The following TRAPPC11 variants were observed in gnomAD, a reference collection of about 807,000 sequenced individuals.
TRAPPC11 encodes the protein foie gras homolog.
A neutral mutation model predicts 151.2 loss-of-function variants in TRAPPC11; 104 were observed. That is an observed-to-expected ratio of 0.69 (90% CI 0.59 to 0.81). The LOEUF (loss-of-function observed/expected upper bound fraction) is 0.81, where lower values mean the gene tolerates loss of function less well. Ranked by LOEUF, TRAPPC11 falls within the 30% of genes least tolerant of loss-of-function variation. The pLI is 0.00. For missense variants in TRAPPC11, 1,230 were observed against 1,349.6 expected, an observed-to-expected ratio of 0.91 and a Z score of 1.39; for synonymous variants, 456 against 472.3, an observed-to-expected ratio of 0.97 and a Z score of 0.45.
chr4:183,690,387 A>G (rs1736201796), intron 18 of TRAPPC11, among the ~76,000 whole-genome samples: 1 of 152,220 alleles, frequency 6.6e-6, no homozygotes, highest in African/African-American at 2.4e-5. Context: ...AACAGATGAG[A>G]ATAGTGATTC....
Position 183,687,105 on chromosome 4 carries a change from C to T in TRAPPC11, c.1893+357C>T, listed in dbSNP as rs548734678. Among the ~76,000 whole-genome samples the T allele has an allele frequency of 2.1e-3, 318 of 152,098 alleles. 2 individuals are homozygous for T. Among genetic ancestry groups the T allele is most frequent in the African/African-American group, 7.3e-3 (301 of 41,500 alleles). ...CTGAGGCAGGAGAATCACTTGAACT[C>T]GGGAGATGGAGGTTGCAGTGAGCTG... is the stretch of plus-strand genomic sequence containing the variant. On this transcript the variant is annotated intron_variant, in intron 18 of 29. Transcript: ENST00000334690.
At chr4:183,679,524 T>C in intron 9 of TRAPPC11, 38 bp downstream of exon 9, 1 of 1,531,482 alleles carries the variant, frequency 6.5e-7, no homozygotes, top group African/African-American at 1.4e-5. Context: ...TTTTTAAAAA[T>C]GATACATAGT....
In TRAPPC11 at chr4:183,694,583, A is replaced by G. The variant is rs565925532; in HGVS notation, c.2509-21A>G. On this transcript the variant is annotated intron_variant, in intron 22 of 29. Coordinates refer to ENST00000334690, the MANE Select transcript of TRAPPC11 (RefSeq NM_021942.6). ...AAATGTCTGTAATACTAATTAAATT[A>G]CAACATTTATTTTGTTACAGCTGGA... The G allele has an allele frequency of 5.0e-6, 8 of 1,602,612 alleles. No homozygotes were observed. The African/African-American group carries it at 9.4e-5, about 19-fold the overall frequency.
At chr4:183,673,542 T>C (rs112413505) in intron 5 of TRAPPC11, among the ~76,000 whole-genome samples, 3,616 of 151,960 alleles carry the variant, frequency 0.024, 151 homozygotes, top group African/African-American at 0.083. Context: ...GGCGTGGTCA[T>C]GTATGCATGT....
intron 3 of TRAPPC11, 125 bp downstream of exon 3, chr4:183,666,551 A>AACAAG: frequency 2.3e-6 from 2 of 858,114 alleles, no homozygotes; most frequent in Non-Finnish European, 3.5e-6. Context: ...ACCTCCAGTG[A>AACAAG]ATCTTGTTCA....
intron 26 of TRAPPC11, among the ~76,000 whole-genome samples, chr4:183,704,249 G>T (rs544523638): frequency 6.6e-6 from 1 of 152,136 alleles, no homozygotes; most frequent in African/African-American, 2.4e-5. Context: ...GGCCTGGTGC[G>T]GTGGCTCACG....
intron 26 of TRAPPC11, among the ~76,000 whole-genome samples, chr4:183,703,406 A>G (rs778450905): frequency 2.0e-5 from 3 of 152,214 alleles, no homozygotes; most frequent in Non-Finnish European, 4.4e-5. Flanking sequence ...AATTTACCAT[A>G]TTGATGTTTA....
Position 183,686,326 on chromosome 4 carries a change from A to G in TRAPPC11, c.1763-292A>G, listed in dbSNP as rs1279890160. Among the ~76,000 whole-genome samples the G allele has an allele frequency of 7.4e-5, 11 of 148,546 alleles. No homozygotes were observed. In the East Asian group the frequency reaches 8.1e-4, roughly 11 times the overall value. ...TAATTTTTGTATTTTTAGTATAGATAAGGTTTCACCGTGTTGGCCAGGCTG... is the reference window on the plus strand; with the variant it reads ...TAATTTTTGTATTTTTAGTATAGATGAGGTTTCACCGTGTTGGCCAGGCTG... On this transcript the variant is annotated intron_variant, in intron 17 of 29. Coordinates refer to ENST00000334690, the MANE Select transcript of TRAPPC11 (RefSeq NM_021942.6).
In TRAPPC11 at chr4:183,680,191, C is replaced by T; in HGVS notation, c.1037C>T (p.Pro346Leu). The change falls in exon 10 of 30, where the codon CCT becomes CTT. Residue 346 changes from proline to leucine, a missense_variant. Pro to Leu is a moderately conservative substitution (Grantham distance 98). Coordinates refer to ENST00000334690, the MANE Select transcript of TRAPPC11 (RefSeq NM_021942.6). The part of the protein sequence containing the change: ...LGLTAIQTQN[P>L]GFYYQQAAYY... Reference sequence around the variant, plus strand: ...TTAACAGCTATTCAAACTCAGAATCCTGGTTTCTATTACCAGCAGGCAGCA... The same window carrying T: ...TTAACAGCTATTCAAACTCAGAATCTTGGTTTCTATTACCAGCAGGCAGCA... The T allele has an allele frequency of 1.2e-6, 2 of 1,613,892 alleles. No homozygotes were observed. Among genetic ancestry groups the T allele is most frequent in the Non-Finnish European group, 1.7e-6 (2 of 1,179,950 alleles).
In TRAPPC11 at chr4:183,664,036, C is replaced by G; in HGVS notation, c.169C>G (p.Pro57Ala). 6.2e-7 allele frequency: 1 copy of G among 1,613,366 alleles called. No homozygotes were observed. Among genetic ancestry groups the G allele is most frequent in the Non-Finnish European group, 8.5e-7 (1 of 1,179,976 alleles). ...AGTACCAATTTCTTTCAAGGTGCTC[C>G]CAGGTGACCATGAGTATCCCAAATG... Reference protein sequence around the residue: ...DRVPISFKVLPGDHEYPKCRP... With the variant: ...DRVPISFKVLAGDHEYPKCRP... Residue 57 changes from proline (P) to alanine (A), a missense_variant, in exon 2 of 30, where the codon CCA (proline) becomes GCA (alanine). Coordinates refer to ENST00000334690, the MANE Select transcript of TRAPPC11 (RefSeq NM_021942.6).
intron 10 of TRAPPC11, among the ~76,000 whole-genome samples, chr4:183,680,679 C>CTTTTTTTTTTTT (rs71589581): frequency 3.6e-5 from 3 of 82,952 alleles, no homozygotes; most frequent in Non-Finnish European, 6.5e-5. Context: ...TATGGAGACT[C>CTTTTTTTTTTTT]TTTTTTTTTT....
intron 19 of TRAPPC11, among the ~76,000 whole-genome samples, chr4:183,692,562 A>G (rs934120805): frequency 1.3e-5 from 2 of 152,198 alleles, no homozygotes; most frequent in African/African-American, 4.8e-5. Context: ...TACTGTAAAT[A>G]TTTTTGAGAA....
At chr4:183,665,230 G>A (rs918900360) in intron 2 of TRAPPC11, among the ~76,000 whole-genome samples, 6 of 151,910 alleles carry the variant, frequency 3.9e-5, no homozygotes, top group South Asian at 2.1e-4. Flanking sequence ...GAGTGGCTGG[G>A]ACTACAGGCG....
chr4:183,699,863 C>T (rs1157095898), intron 25 of TRAPPC11, among the ~76,000 whole-genome samples: 2 of 151,608 alleles, frequency 1.3e-5, no homozygotes, highest in African/African-American at 4.9e-5. Context: ...GAGTCTCTGT[C>T]ACCCAGGCTG....
intron 24 of TRAPPC11, 22 bp from the exon 25 acceptor site, chr4:183,697,657 C>G: frequency 6.2e-7 from 1 of 1,612,606 alleles, no homozygotes; most frequent in Non-Finnish European, 8.5e-7. Context: ...CCTGACAGAC[C>G]TTTTATCTTC....
chr4:183,665,311 G>A (rs1366136109), intron 2 of TRAPPC11, among the ~76,000 whole-genome samples: 12 of 151,988 alleles, frequency 7.9e-5, no homozygotes, highest in East Asian at 5.8e-4. Context: ...AGCCAGGATG[G>A]TCTCGATCTC....
At chr4:183,694,125 T>A (rs1736407221) in intron 22 of TRAPPC11, 87 bp downstream of exon 22, 1 of 1,405,242 alleles carries the variant, frequency 7.1e-7, no homozygotes, top group Admixed American at 1.9e-5. Flanking sequence ...TCAGAGCGTT[T>A]TAACGCATAT....
chr4:183,710,290 C>CT (rs67614237), intron 29 of TRAPPC11, among the ~76,000 whole-genome samples: 37 of 146,842 alleles, frequency 2.5e-4, no homozygotes, highest in East Asian at 8.1e-4. Context: ...AGAAAATAAA[C>CT]TTTTTTTTTT....
intron 21 of TRAPPC11, 21 bp downstream of exon 21, chr4:183,693,758 G>A (rs367640387): frequency 4.6e-5 from 74 of 1,611,268 alleles, no homozygotes; most frequent in Non-Finnish European, 6.1e-5. Context: ...CTTTTTGTAA[G>A]TTTGATCAGT....
Sources: gnomAD v4.1 joint callset for allele counts (sites outside exome capture counted in the v4.1 genomes callset) on GRCh38, gnomAD v4.1.1 for gene constraint, MANE v1.5 for transcripts, NCBI Gene and HGNC (gene_info 2026-07-23, HGNC 2026-07-21) for gene names.